The following VRK2 variants were observed in gnomAD, a reference collection of about 807,000 sequenced individuals.
VRK2 encodes the protein serine/threonine-protein kinase VRK2.
In VRK2, 60 loss-of-function variants were observed where a neutral mutation model predicts 57.6. The ratio of observed to expected loss-of-function variants is 1.04; its 90% CI spans 0.85 to 1.29. VRK2 has a LOEUF of 1.29. VRK2 is among the 50% of genes most tolerant of loss of function. The pLI is 0.00. For synonymous variants in VRK2, 231 were observed against 199.2 expected (o/e 1.16, Z -1.35); for missense variants, 705 against 588.1 (o/e 1.20, Z -2.06).
At chr2:58,034,311 A>G (rs1182767899) in intron 3 of VRK2, among the ~76,000 whole-genome samples, 1 of 151,932 alleles carries the variant, frequency 6.6e-6, no homozygotes, top group African/African-American at 2.4e-5. Context: ...TTCCCACCTC[A>G]GGACCTTTGC....
At chr2:58,137,204 C>CATATATGATACATGTATCAT (rs1680561740) in intron 10 of VRK2, among the ~76,000 whole-genome samples, 1 of 16,076 alleles carries the variant, frequency 6.2e-5, no homozygotes, top group African/African-American at 1.9e-4. Context: ...ATATATATCT[C>CATATATGATACATGTATCAT]ATATATGATA....
intron 1 of VRK2, among the ~76,000 whole-genome samples, chr2:58,014,927 T>G (rs1323207864): frequency 1.3e-5 from 2 of 152,162 alleles, no homozygotes; most frequent in Non-Finnish European, 2.9e-5. Flanking sequence ...GCTTCTTTTT[T>G]TTAGGTTCTG....
intron 1 of VRK2, among the ~76,000 whole-genome samples, chr2:57,931,022 A>C (rs1471786816): frequency 3.3e-5 from 5 of 152,066 alleles, no homozygotes; most frequent in African/African-American, 1.2e-4. Context: ...TTCATATATT[A>C]TATATTCATG....
intron 1 of VRK2, among the ~76,000 whole-genome samples, chr2:57,992,092 A>C (rs1558529654): frequency 6.6e-6 from 1 of 152,198 alleles, no homozygotes; most frequent in Non-Finnish European, 1.5e-5. Context: ...GGAGATTAAT[A>C]ATAGATAGTT....
chr2:58,116,308 G>C (rs368518691), intron 7 of VRK2, among the ~76,000 whole-genome samples: 22 of 150,902 alleles, frequency 1.5e-4, no homozygotes, highest in Non-Finnish European at 2.9e-4. Flanking sequence ...GGAGGCTTTG[G>C]ATTGGGAAGA....
At chr2:57,983,147 A>G (rs926801622) in intron 1 of VRK2, among the ~76,000 whole-genome samples, 19 of 151,586 alleles carry the variant, frequency 1.3e-4, no homozygotes, top group African/African-American at 4.6e-4. Context: ...CTTTCCAAAC[A>G]TCTGTTCAGA....
chr2:58,028,431 T>C (rs1674000668), intron 2 of VRK2: 1 of 152,160 alleles, frequency 6.6e-6, no homozygotes, highest in African/African-American at 2.4e-5. Context: ...TATGTGTGCA[T>C]GTGTCTTTAT....
chr2:58,038,420 G>A (rs1674342102), intron 3 of VRK2, among the ~76,000 whole-genome samples: 1 of 152,082 alleles, frequency 6.6e-6, no homozygotes, highest in African/African-American at 2.4e-5. Flanking sequence ...GGACTAACAT[G>A]AGCACACACA....
chr2:58,127,283 AC>A (rs1678503960), intron 8 of VRK2, among the ~76,000 whole-genome samples: 1 of 152,108 alleles, frequency 6.6e-6, no homozygotes, highest in Non-Finnish European at 1.5e-5. Context: ...TTTTCGTGCT[AC>A]CAAACTTGGG....
At chr2:57,975,630 T>C (rs928289304) in intron 1 of VRK2, among the ~76,000 whole-genome samples, 1 of 152,024 alleles carries the variant, frequency 6.6e-6, no homozygotes, top group Admixed American at 6.6e-5. Flanking sequence ...AGGAAGTTTT[T>C]CAGGCCTTGT....
intron 1 of VRK2, among the ~76,000 whole-genome samples, chr2:57,932,345 G>C (rs1249430039): frequency 6.6e-6 from 1 of 151,964 alleles, no homozygotes; most frequent in Non-Finnish European, 1.5e-5. Flanking sequence ...TTTTTCCGGA[G>C]ATTTTTGATT....
chr2:57,932,135 T>C (rs991206908), intron 1 of VRK2, among the ~76,000 whole-genome samples: 1 of 152,120 alleles, frequency 6.6e-6, no homozygotes, highest in Non-Finnish European at 1.5e-5. Context: ...AATTTTAGGA[T>C]TTTTCTATTC....
At chr2:58,106,398 A>C (rs938087055) in intron 7 of VRK2, among the ~76,000 whole-genome samples, 1 of 152,076 alleles carries the variant, frequency 6.6e-6, no homozygotes, top group African/African-American at 2.4e-5. Flanking sequence ...GTTAGAATAG[A>C]AAAGCAGATC....
At chr2:58,063,241 G>GT (rs780317845) in intron 2 of VRK2, among the ~76,000 whole-genome samples, 3,343 of 121,598 alleles carry the variant, frequency 0.027, 113 homozygotes, top group African/African-American at 0.075. Context: ...TCACAGTTTT[G>GT]TTTTTTTTTT....
intron 2 of VRK2, among the ~76,000 whole-genome samples, chr2:58,060,561 G>T (rs889318943): frequency 6.6e-6 from 1 of 151,508 alleles, no homozygotes; most frequent in African/African-American, 2.4e-5. Context: ...CCATCAAGAA[G>T]AAAAAATAAT....
intron 1 of VRK2, among the ~76,000 whole-genome samples, chr2:57,970,439 T>C (rs536519013): frequency 1.3e-5 from 2 of 151,286 alleles, no homozygotes; most frequent in Admixed American, 6.6e-5. Context: ...TCTTTGTGGA[T>C]TTTTTTTATC....
chr2:57,939,809 T>C (rs1671035302), intron 1 of VRK2, among the ~76,000 whole-genome samples: 2 of 152,238 alleles, frequency 1.3e-5, no homozygotes, highest in South Asian at 4.1e-4. Context: ...TTAGTTCTTA[T>C]GTGTTCTTTA....
chr2:57,916,902 A>T (rs571505345), intron 1 of VRK2, among the ~76,000 whole-genome samples: 1 of 152,326 alleles, frequency 6.6e-6, no homozygotes, highest in East Asian at 1.9e-4. Context: ...TCATAGTAGT[A>T]TCTGCTTCAT....
chr2:57,978,094 T>TTTTCTAC (rs1365496502), intron 1 of VRK2, among the ~76,000 whole-genome samples: 6 of 151,246 alleles, frequency 4.0e-5, no homozygotes, highest in African/African-American at 1.5e-4. Flanking sequence ...ATTAGCTTTT[T>TTTTCTAC]TTTCTACTTT....
Sources: gnomAD v4.1 joint callset for allele counts (sites outside exome capture counted in the v4.1 genomes callset) on GRCh38, gnomAD v4.1.1 for gene constraint, MANE v1.5 for transcripts, NCBI Gene and HGNC (gene_info 2026-07-23, HGNC 2026-07-21) for gene names.